Variants in AP3B1 observed in about 807,000 individuals in gnomAD.
AP3B1 encodes AP-3 complex subunit beta-1.
In AP3B1, 61 loss-of-function variants were observed where a neutral mutation model predicts 132.5. The observed-to-expected ratio is 0.46, with a 90% CI of 0.37 to 0.57. The LOEUF is 0.57. Among genes scored for constraint, AP3B1 ranks in the 20% least tolerant of loss-of-function variants. The probability of loss-of-function intolerance (pLI) is 0.00; values close to 1 mark genes in which losing one functional copy is unlikely to be tolerated. For missense variants in AP3B1, 1,120 were observed against 1,289.4 expected, an observed-to-expected ratio of 0.87 and a Z score of 2.01; for synonymous variants, 388 against 438.3, an observed-to-expected ratio of 0.89 and a Z score of 1.43.
At chr5:78,253,124 A>G (rs545682355) in intron 2 of AP3B1, among the ~76,000 whole-genome samples, 2 of 152,384 alleles carry the variant, frequency 1.3e-5, no homozygotes, top group Non-Finnish European at 1.5e-5. Flanking sequence ...TTCTAAGACC[A>G]TCTAGGCAGT....
intron 9 of AP3B1, 82 bp from the exon 10 acceptor site, chr5:78,175,920 T>C (rs1215051938): frequency 9.3e-7 from 1 of 1,074,364 alleles, no homozygotes; most frequent in Non-Finnish European, 1.4e-6. Context: ...TGACAAAGAA[T>C]TAGCAATAAT....
intron 7 of AP3B1, among the ~76,000 whole-genome samples, chr5:78,190,895 T>TC (rs1001059291): frequency 1.3e-5 from 2 of 152,080 alleles, no homozygotes; most frequent in East Asian, 1.9e-4. Context: ...AAAAAAAGTT[T>TC]CCCCCCTAAA....
chr5:78,200,174 A>C (rs986519513), intron 7 of AP3B1, among the ~76,000 whole-genome samples: 1 of 151,896 alleles, frequency 6.6e-6, no homozygotes, highest in Non-Finnish European at 1.5e-5. Flanking sequence ...TGACAGCTCC[A>C]TGGGTGTACA....
chr5:78,272,388 T>C (rs1246149681), intron 1 of AP3B1, among the ~76,000 whole-genome samples: 4 of 152,214 alleles, frequency 2.6e-5, no homozygotes, highest in African/African-American at 9.7e-5. Context: ...ATAAACCTCT[T>C]CAATTATTTT....
intron 22 of AP3B1, among the ~76,000 whole-genome samples, chr5:78,061,786 T>C (rs1440944392): frequency 6.6e-6 from 1 of 152,218 alleles, no homozygotes; most frequent in Non-Finnish European, 1.5e-5. Context: ...AGTAAATAAC[T>C]TACAATTCAT....
intron 22 of AP3B1, among the ~76,000 whole-genome samples, chr5:78,080,765 T>C (rs1259656693): frequency 1.3e-5 from 2 of 151,694 alleles, no homozygotes; most frequent in Non-Finnish European, 2.9e-5. Flanking sequence ...AACCATTCAA[T>C]AATTGTAATA....
chr5:78,195,380 T>C (rs1745040728), intron 7 of AP3B1, among the ~76,000 whole-genome samples: 1 of 152,178 alleles, frequency 6.6e-6, no homozygotes, highest in African/African-American at 2.4e-5. Context: ...GTGTGGTATT[T>C]GTGAAATAAC....
At chr5:78,173,416 G>A (rs1280489718) in intron 11 of AP3B1, among the ~76,000 whole-genome samples, 8 of 152,024 alleles carry the variant, frequency 5.3e-5, no homozygotes, top group Non-Finnish European at 1.0e-4. Context: ...GTCTCTAAGG[G>A]CTTGCTTTAT....
chr5:78,208,244 C>G (rs1745593481), intron 7 of AP3B1, among the ~76,000 whole-genome samples: 1 of 152,160 alleles, frequency 6.6e-6, no homozygotes, highest in Non-Finnish European at 1.5e-5. Context: ...AGGAACATAT[C>G]TCCTGGGAAG....
chr5:78,249,053 C>A (rs1747507696), intron 2 of AP3B1, among the ~76,000 whole-genome samples: 1 of 152,086 alleles, frequency 6.6e-6, no homozygotes, highest in Non-Finnish European at 1.5e-5. Flanking sequence ...GAGCTTCTTT[C>A]ATCTATAAAT....
chr5:78,108,387 C>T (rs1371189804), intron 20 of AP3B1, among the ~76,000 whole-genome samples: 1 of 152,058 alleles, frequency 6.6e-6, no homozygotes, highest in African/African-American at 2.4e-5. Context: ...TGGTATACAC[C>T]AAATCATTCA....
At chr5:78,280,899 T>C (rs920279174) in intron 1 of AP3B1, among the ~76,000 whole-genome samples, 4 of 152,218 alleles carry the variant, frequency 2.6e-5, no homozygotes, top group African/African-American at 9.6e-5. Flanking sequence ...AGCACAACAA[T>C]GTGAATATAG....
chr5:78,062,944 T>C (rs962758356), intron 22 of AP3B1, among the ~76,000 whole-genome samples: 1 of 152,166 alleles, frequency 6.6e-6, no homozygotes, highest in Non-Finnish European at 1.5e-5. Flanking sequence ...CAAATGCTTG[T>C]TTCTACCCAC....
At chr5:78,132,988 T>G (rs765278536) in intron 15 of AP3B1, among the ~76,000 whole-genome samples, 10 of 152,174 alleles carry the variant, frequency 6.6e-5, no homozygotes, top group Non-Finnish European at 1.2e-4. Context: ...CAAGAGTGCT[T>G]TCACCACTCT....
chr5:78,036,846 T>C (rs997578889), intron 23 of AP3B1, among the ~76,000 whole-genome samples: 1 of 152,176 alleles, frequency 6.6e-6, no homozygotes, highest in Admixed American at 6.5e-5. Context: ...GTATTTGTTT[T>C]CTGTTGCATT....
intron 11 of AP3B1, among the ~76,000 whole-genome samples, chr5:78,170,325 TCACCA>T (rs1743857246): frequency 6.6e-6 from 1 of 152,228 alleles, no homozygotes; most frequent in Non-Finnish European, 1.5e-5. Flanking sequence ...TCTTGAGGAA[TCACCA>T]CACTGTCTTC....
rs556028931 is a variant in AP3B1 at position 78,082,391 on chromosome 5, C to G, written c.2577+7002G>C. On this transcript the variant is annotated intron_variant, in intron 22 of 26. Coordinates refer to ENST00000255194, the MANE Select transcript of AP3B1 (RefSeq NM_003664.5). ...TTACAGCTACAGAATAGAATTCAAACATTTTCAGGATCATTATTTCATTTT... is the reference window on the plus strand; with the variant it reads ...TTACAGCTACAGAATAGAATTCAAAGATTTTCAGGATCATTATTTCATTTT... 1.0e-3 allele frequency among the ~76,000 whole-genome samples: 158 copies of G among 152,320 alleles called. 1 individual carries two copies. The highest frequency in any genetic ancestry group is 2.8e-3 in the African/African-American group (118 of 41,574).
At chr5:78,008,604 G>C (rs1482007397) in intron 26 of AP3B1, among the ~76,000 whole-genome samples, 11 of 152,132 alleles carry the variant, frequency 7.2e-5, no homozygotes, top group Non-Finnish European at 1.5e-4. Context: ...GATTACTAAA[G>C]AGGTTCTACA....
chr5:78,027,995 G>A lies in AP3B1; in HGVS notation c.2894+6366C>T, dbSNP rs142502570. Among the ~76,000 whole-genome samples the A allele has an allele frequency of 9.4e-3, 1,422 of 152,070 alleles. 30 individuals are homozygous for A. The highest frequency in any genetic ancestry group is 0.031 in the African/African-American group (1,302 of 41,450). ...ACAAAAATTAGCTGGGCCTGGTGGC[G>A]CGTGCCTGTAATCCAAGCTACTTGG... is the stretch of plus-strand genomic sequence containing the variant. On this transcript the variant is annotated intron_variant, in intron 24 of 26. Coordinates refer to ENST00000255194, the MANE Select transcript of AP3B1 (RefSeq NM_003664.5).
Sources: gnomAD v4.1 joint callset for allele counts (sites outside exome capture counted in the v4.1 genomes callset) on GRCh38, gnomAD v4.1.1 for gene constraint, MANE v1.5 for transcripts, NCBI Gene and HGNC (gene_info 2026-07-23, HGNC 2026-07-21) for gene names.